FER1L6: variants seen among roughly 807,000 people sequenced by gnomAD.
FER1L6 encodes the protein fer-1-like protein 6.
Under a neutral mutation model 219.2 loss-of-function variants are expected in FER1L6, and 177 were observed. The observed-to-expected ratio is 0.81, with a 90% CI of 0.71 to 0.91. The LOEUF is 0.91. Among genes scored for constraint, FER1L6 ranks in the 40% least tolerant of loss-of-function variants. The probability of loss-of-function intolerance (pLI) is 0.00; values close to 1 mark genes in which losing one functional copy is unlikely to be tolerated. For missense variants in FER1L6, 2,153 were observed against 2,259.9 expected, an observed-to-expected ratio of 0.95 and a Z score of 0.96; for synonymous variants, 768 against 824.3, an observed-to-expected ratio of 0.93 and a Z score of 1.17.
intron 1 of FER1L6, among the ~76,000 whole-genome samples, chr8:123,911,087 G>A (rs1226456231): frequency 6.6e-6 from 1 of 152,104 alleles, no homozygotes; most frequent in Non-Finnish European, 1.5e-5. Context: ...TGATCATTGG[G>A]CAGGAGTCCA....
intron 1 of FER1L6, among the ~76,000 whole-genome samples, chr8:123,923,718 G>A (rs191607461): frequency 6.6e-6 from 1 of 152,094 alleles, no homozygotes; most frequent in East Asian, 1.9e-4. Flanking sequence ...CTATAAGGTA[G>A]ATTCTATTAT....
At chr8:123,958,957 G>A (rs988863794) in intron 2 of FER1L6, among the ~76,000 whole-genome samples, 1 of 151,930 alleles carries the variant, frequency 6.6e-6, no homozygotes. Context: ...AAGTGGGTGA[G>A]AGGGCCACGC....
intron 1 of FER1L6, among the ~76,000 whole-genome samples, chr8:123,933,415 G>T (rs577692991): frequency 1.1e-3 from 163 of 149,538 alleles, no homozygotes; most frequent in Non-Finnish European, 2.1e-3. Flanking sequence ...TGTGTGTGTA[G>T]CCTCACACTA....
intron 1 of FER1L6, among the ~76,000 whole-genome samples, chr8:123,922,678 G>A (rs530096670): frequency 6.6e-6 from 1 of 152,318 alleles, no homozygotes; most frequent in South Asian, 2.1e-4. Flanking sequence ...TTTGCCAAGA[G>A]AAACTGACAT....
chr8:123,994,105 C>A (rs1043332979), intron 12 of FER1L6, among the ~76,000 whole-genome samples: 1 of 152,160 alleles, frequency 6.6e-6, no homozygotes, highest in African/African-American at 2.4e-5. Context: ...TGGCCTCCAG[C>A]CAGGAGGTGG....
chr8:123,933,635 G>C (rs4870879), intron 1 of FER1L6, among the ~76,000 whole-genome samples: 30,522 of 152,084 alleles, frequency 0.2, 3,873 homozygotes, highest in East Asian at 0.44. Context: ...TAGAATATCA[G>C]TTTCTTATTG....
intron 11 of FER1L6, chr8:123,984,369 A>C (rs1397303833): frequency 6.6e-6 from 1 of 152,204 alleles, no homozygotes; most frequent in Non-Finnish European, 1.5e-5. Context: ...TCTGGGCTAC[A>C]TGGCCTACAT....
chr8:123,910,447 T>C (rs1813031530), intron 1 of FER1L6, among the ~76,000 whole-genome samples: 1 of 152,190 alleles, frequency 6.6e-6, no homozygotes, highest in Non-Finnish European at 1.5e-5. Flanking sequence ...CGGAGTTGCT[T>C]TGGGTCAAGA....
intron 1 of FER1L6, among the ~76,000 whole-genome samples, chr8:123,950,940 GA>G (rs1307832400): frequency 1.3e-5 from 2 of 152,214 alleles, no homozygotes; most frequent in Non-Finnish European, 2.9e-5. Flanking sequence ...TGCATAAATA[GA>G]GAAGGTAGCC....
At chr8:123,931,986 G>A (rs903197975) in intron 1 of FER1L6, among the ~76,000 whole-genome samples, 6 of 152,144 alleles carry the variant, frequency 3.9e-5, no homozygotes, top group Admixed American at 3.9e-4. Flanking sequence ...TCTAAAACTT[G>A]CCAATTCTTT....
chr8:123,952,058 G>C (rs1001328423), intron 1 of FER1L6, among the ~76,000 whole-genome samples: 3 of 151,256 alleles, frequency 2.0e-5, no homozygotes, highest in African/African-American at 7.3e-5. Flanking sequence ...TGGCTTTGCC[G>C]AGCGGTGGAC....
At chr8:123,931,276 C>T (rs1037876659) in intron 1 of FER1L6, among the ~76,000 whole-genome samples, 1 of 152,102 alleles carries the variant, frequency 6.6e-6, no homozygotes, top group African/African-American at 2.4e-5. Context: ...TGAGTTTTAC[C>T]CCAGCCTGAG....
chr8:123,927,238 G>A (rs1020371417), intron 1 of FER1L6, among the ~76,000 whole-genome samples: 2 of 151,312 alleles, frequency 1.3e-5, no homozygotes, highest in African/African-American at 4.9e-5. Flanking sequence ...AGCTCAACAA[G>A]AATCAACGAC....
At chr8:124,100,521 T>A (rs543568374) in intron 37 of FER1L6, among the ~76,000 whole-genome samples, 24 of 152,200 alleles carry the variant, frequency 1.6e-4, no homozygotes, top group Non-Finnish European at 3.2e-4. Flanking sequence ...GGAATCCAGA[T>A]GGGTGCAGGC....
chr8:123,924,233 CA>C (rs71289625), intron 1 of FER1L6, among the ~76,000 whole-genome samples: 1,018 of 66,904 alleles, frequency 0.015, 6 homozygotes, highest in East Asian at 0.021. Flanking sequence ...GACTCAGTAT[CA>C]AAAAAAAAAA....
chr8:124,094,896 A>C lies in FER1L6; in HGVS notation c.4553A>C (p.Asp1518Ala). ...GKTIFTEEDT[D>A]ETVESYEHLA... ...ACAAGTTTGTCTTTCTTTCCTGCAGATGAGACAGTGGAGTCTTATGAACAC... is the reference window on the plus strand; with the variant it reads ...ACAAGTTTGTCTTTCTTTCCTGCAGCTGAGACAGTGGAGTCTTATGAACAC... Residue 1518 changes from aspartate to alanine, a missense_variant and splice_region_variant, in exon 35 of 41, where the codon GAT becomes GCT. Physicochemically the swap from Asp to Ala is moderately radical, Grantham distance 126. Transcript: ENST00000522917. 1 of 1,614,080 alleles carries C rather than the reference A, an allele frequency of 6.2e-7. No individual in the cohort carries two copies.
intron 1 of FER1L6, among the ~76,000 whole-genome samples, chr8:123,923,331 G>A (rs62518688): frequency 0.18 from 27,273 of 152,196 alleles, 2,627 homozygotes; most frequent in Non-Finnish European, 0.19. Flanking sequence ...TGCAGAATGA[G>A]ATACAATGCA....
chr8:123,897,312 T>C (rs181477160), intron 1 of FER1L6, among the ~76,000 whole-genome samples: 155 of 152,256 alleles, frequency 1.0e-3, no homozygotes, highest in Non-Finnish European at 1.7e-3. Context: ...ACATCTCCTC[T>C]CTGTTCTAGA....
Position 123,991,499 on chromosome 8 carries a change from C to T in FER1L6, c.1519+5323C>T, listed in dbSNP as rs574485947. On this transcript the variant is annotated intron_variant, in intron 12 of 40. Transcript: ENST00000522917. ...AAGGGATTGTGTTCTTGATTTGATT[C>T]TCAACTTGGAAGTTGTTGGTATATA... Among the ~76,000 whole-genome samples, 19 of 151,548 alleles carry T rather than the reference C, an allele frequency of 1.3e-4. No homozygotes were observed. The South Asian group carries it at 3.3e-3, about 27-fold the overall frequency.
Sources: gnomAD v4.1 joint callset for allele counts (sites outside exome capture counted in the v4.1 genomes callset) on GRCh38, gnomAD v4.1.1 for gene constraint, MANE v1.5 for transcripts, NCBI Gene and HGNC (gene_info 2026-07-23, HGNC 2026-07-21) for gene names.